EXD2: variants seen among roughly 807,000 people sequenced by gnomAD.
The protein encoded by EXD2 is exonuclease 3'-5' domain containing 2, also known as exonuclease 3'-5' domain-containing protein 2.
Under a neutral mutation model 62.5 loss-of-function variants are expected in EXD2, and 40 were observed. The observed-to-expected ratio is 0.64, with a 90% CI of 0.50 to 0.83. The LOEUF is 0.83. Ranked by LOEUF, EXD2 falls within the 40% of genes least tolerant of loss-of-function variation. EXD2 has a pLI of 0.00. For synonymous variants in EXD2, 239 were observed against 291.9 expected, an observed-to-expected ratio of 0.82 and a Z score of 1.85; for missense variants, 671 against 761.8, an observed-to-expected ratio of 0.88 and a Z score of 1.40.
chr14:69,193,711 TTTTAA>T (rs1238866824), intron 1 of EXD2, among the ~76,000 whole-genome samples: 1 of 152,166 alleles, frequency 6.6e-6, no homozygotes, highest in African/African-American at 2.4e-5. Context: ...AAATTTTAGG[TTTTAA>T]TTTATCAGTC....
chr14:69,205,596 A>G (rs1379757485), intron 2 of EXD2, among the ~76,000 whole-genome samples: 1 of 151,980 alleles, frequency 6.6e-6, no homozygotes, highest in East Asian at 1.9e-4. Context: ...TCAGATCTCA[A>G]GTATGGAAAT....
chr14:69,221,959 G>A (rs370062451), intron 3 of EXD2, among the ~76,000 whole-genome samples: 12 of 146,230 alleles, frequency 8.2e-5, no homozygotes, highest in East Asian at 2.1e-4. Context: ...GTGGTGGTGC[G>A]CACCTGTAAT....
intron 4 of EXD2, 137 bp from the exon 5 acceptor site, chr14:69,230,332 TAAC>T (rs1462871167): frequency 1.3e-5 from 8 of 593,176 alleles, no homozygotes; most frequent in Non-Finnish European, 1.2e-5. Context: ...CACAAATAGA[TAAC>T]AAATTATCAT....
At chr14:69,193,693 A>G (rs763859856) in intron 1 of EXD2, among the ~76,000 whole-genome samples, 6 of 152,184 alleles carry the variant, frequency 3.9e-5, no homozygotes, top group Admixed American at 6.5e-5. Flanking sequence ...TTGTTGAAAC[A>G]AAGTTTAAAA....
At chr14:69,226,193 G>T (rs1464319675) in intron 3 of EXD2, among the ~76,000 whole-genome samples, 2 of 152,110 alleles carry the variant, frequency 1.3e-5, no homozygotes, top group Non-Finnish European at 2.9e-5. Flanking sequence ...ATCACAGAGG[G>T]AAAGAACTAC....
At chr14:69,201,195 G>A (rs1197720685) in intron 1 of EXD2, among the ~76,000 whole-genome samples, 3 of 150,826 alleles carry the variant, frequency 2.0e-5, no homozygotes, top group Admixed American at 2.0e-4. Context: ...TTTTTTGTTT[G>A]TTTTTGTTTT....
At chr14:69,192,363 G>A (rs763666999) in intron 1 of EXD2, among the ~76,000 whole-genome samples, 3 of 152,168 alleles carry the variant, frequency 2.0e-5, no homozygotes, top group Non-Finnish European at 4.4e-5. Flanking sequence ...TAGGAATTAG[G>A]AAGTGCGGGT....
chr14:69,231,822 T>G (rs1158431652), intron 5 of EXD2, among the ~76,000 whole-genome samples: 1 of 75,482 alleles, frequency 1.3e-5, no homozygotes, highest in Admixed American at 2.3e-4. Flanking sequence ...TAGTAGATCC[T>G]CTGTTTTTTA....
intron 3 of EXD2, among the ~76,000 whole-genome samples, chr14:69,222,004 C>T (rs2140281694): frequency 6.7e-6 from 1 of 149,414 alleles, no homozygotes; most frequent in East Asian, 2.0e-4. Flanking sequence ...AGGAGAATCG[C>T]TTGAACCTGG....
At chr14:69,210,672 TG>T (rs1208524568) in intron 3 of EXD2, among the ~76,000 whole-genome samples, 3 of 151,986 alleles carry the variant, frequency 2.0e-5, no homozygotes, top group African/African-American at 7.2e-5. Flanking sequence ...TAGCCAGGTG[TG>T]GTGACACCCA....
chr14:69,236,833 T>C (rs1300227913), intron 8 of EXD2, among the ~76,000 whole-genome samples: 1 of 152,204 alleles, frequency 6.6e-6, no homozygotes, highest in Non-Finnish European at 1.5e-5. Context: ...ACCAGTTCCT[T>C]CAGAAGCTGT....
rs369501563 is a variant in EXD2, at chr14:69,240,956, C to G, written c.1722C>G (p.Ser574=). 4.3e-6 allele frequency: 7 copies of G among 1,613,452 alleles called. No homozygotes were observed. The African/African-American group carries it at 8.0e-5, about 18-fold the overall frequency. The change falls in exon 10 of 10, where the codon TCC becomes TCG. Residue 574 remains serine (S), a synonymous_variant. Coordinates refer to ENST00000685843, the MANE Select transcript of EXD2 (RefSeq NM_001193360.2). ...VQCHSQGGLR[S]LMQLESRWRQ... ...GTCACAGCCAGGGTGGCCTGCGCTC[C>G]CTCATGCAGCTGGAGAGCCGCTGGC... is the stretch of plus-strand genomic sequence containing the variant.
chr14:69,196,740 CAG>C (rs1346008126), intron 1 of EXD2, among the ~76,000 whole-genome samples: 1 of 151,620 alleles, frequency 6.6e-6, no homozygotes, highest in African/African-American at 2.4e-5. Context: ...CCTCCTGCCT[CAG>C]CCTCCCAAGT....
At chr14:69,203,595 A>G (rs76726871) in intron 1 of EXD2, among the ~76,000 whole-genome samples, 2,018 of 152,272 alleles carry the variant, frequency 0.013, 42 homozygotes, top group African/African-American at 0.047. Flanking sequence ...TAAGCAGGAA[A>G]CTTTTATAGA....
intron 1 of EXD2, among the ~76,000 whole-genome samples, chr14:69,195,441 C>T (rs1222811869): frequency 1.3e-5 from 2 of 152,154 alleles, no homozygotes; most frequent in Admixed American, 6.5e-5. Flanking sequence ...AAGTGACTCA[C>T]CCGCCTTGGC....
chr14:69,208,658 T>C (rs1015652470), intron 2 of EXD2, among the ~76,000 whole-genome samples: 3 of 152,232 alleles, frequency 2.0e-5, no homozygotes, highest in African/African-American at 7.2e-5. Context: ...AGGAACTATT[T>C]TGTGGCTTGC....
chr14:69,242,794 A>G lies in EXD2; in HGVS notation c.*1694A>G, dbSNP rs2044013874. ...TCAGGCTTGCCACAAGAGGGCACTC[A>G]TAGATTTGTTTTTATATTCATTCTT... is the stretch of plus-strand genomic sequence containing the variant. On this transcript the variant is annotated 3_prime_UTR_variant, in exon 10 of 10. Transcript: ENST00000685843. 6.6e-6 allele frequency: 1 copy of G among 152,222 alleles called. No homozygotes were observed. The highest frequency in any genetic ancestry group is 1.5e-5 in the Non-Finnish European group (1 of 68,040). The allele number at this position is 152,222 out of a possible 1,614,324, so 9.4% of individuals were successfully genotyped here.
intron 5 of EXD2, among the ~76,000 whole-genome samples, chr14:69,232,223 T>G (rs2043609776): frequency 6.6e-6 from 1 of 152,196 alleles, no homozygotes; most frequent in South Asian, 2.1e-4. Context: ...AGGGGAGGGA[T>G]AGTTGTCTGG....
intron 3 of EXD2, among the ~76,000 whole-genome samples, chr14:69,218,843 C>G (rs1411500474): frequency 1.3e-5 from 2 of 152,084 alleles, no homozygotes; most frequent in Non-Finnish European, 2.9e-5. Context: ...TTTTTGAGCG[C>G]TCTGTTCCGT....
Sources: gnomAD v4.1 joint callset for allele counts (sites outside exome capture counted in the v4.1 genomes callset) on GRCh38, gnomAD v4.1.1 for gene constraint, MANE v1.5 for transcripts, NCBI Gene and HGNC (gene_info 2026-07-23, HGNC 2026-07-21) for gene names.